Variants in CAP2 observed in about 807,000 individuals in gnomAD.
The protein encoded by CAP2 is adenylyl cyclase-associated protein 2.
CAP2 carries 24 observed loss-of-function variants against 57.7 expected under a neutral mutation model. The ratio of observed to expected loss-of-function variants is 0.42; its 90% CI spans 0.30 to 0.58. CAP2 has a LOEUF of 0.58. CAP2 is among the 20% of genes least tolerant of loss of function. CAP2 has a pLI of 0.22. For synonymous variants in CAP2, 194 were observed against 207.2 expected (o/e 0.94, Z 0.55); for missense variants, 501 against 590.3 (o/e 0.85, Z 1.57).
chr6:17,439,696 G>C (rs527569713), intron 3 of CAP2, among the ~76,000 whole-genome samples: 1 of 151,528 alleles, frequency 6.6e-6, no homozygotes, highest in Non-Finnish European at 1.5e-5. Flanking sequence ...GATCCCTCGC[G>C]TGCAGTGTTC....
At chr6:17,455,815 G>A (rs1217192651) in intron 3 of CAP2, among the ~76,000 whole-genome samples, 8 of 152,130 alleles carry the variant, frequency 5.3e-5, no homozygotes, top group Admixed American at 3.9e-4. Flanking sequence ...GATTACAGGC[G>A]TGAGCCACCG....
rs1298544871 is a variant in CAP2, at chr6:17,471,914, G to T, written c.300+8841G>T. 2.0e-5 allele frequency among the ~76,000 whole-genome samples: 3 copies of T among 152,138 alleles called. No homozygotes were observed. In the East Asian group the frequency reaches 5.8e-4, roughly 29 times the overall value. On this transcript the variant is annotated intron_variant, in intron 4 of 12. Coordinates refer to ENST00000229922, the MANE Select transcript of CAP2 (RefSeq NM_006366.3). ...CATTTAGCCGTGGTATTTCCCAGTG[G>T]TCTGGATTGACAGTTTCAGGAAGGA...
At chr6:17,439,771 G>A (rs897842527) in intron 3 of CAP2, among the ~76,000 whole-genome samples, 6 of 151,288 alleles carry the variant, frequency 4.0e-5, no homozygotes, top group South Asian at 2.1e-4. Flanking sequence ...GGTGGAGCTC[G>A]GGCGGTAATG....
intron 8 of CAP2, among the ~76,000 whole-genome samples, 199 bp downstream of exon 8, chr6:17,539,657 T>C (rs1409961152): frequency 6.6e-6 from 1 of 152,206 alleles, no homozygotes; most frequent in African/African-American, 2.4e-5. Context: ...GGGGTCACTG[T>C]GTAGACCAGA....
intron 4 of CAP2, among the ~76,000 whole-genome samples, chr6:17,478,622 T>G (rs1761215328): frequency 6.6e-6 from 1 of 152,054 alleles, no homozygotes; most frequent in South Asian, 2.1e-4. Context: ...TTTCTCTGTT[T>G]AAAAAAACCA....
At chr6:17,477,707 A>G (rs1761185629) in intron 4 of CAP2, among the ~76,000 whole-genome samples, 1 of 152,156 alleles carries the variant, frequency 6.6e-6, no homozygotes, top group African/African-American at 2.4e-5. Context: ...GTCCTGACCT[A>G]TCGATTGCTT....
At chr6:17,404,192 C>A (rs1758888201) in intron 1 of CAP2, among the ~76,000 whole-genome samples, 1 of 152,170 alleles carries the variant, frequency 6.6e-6, no homozygotes, top group Non-Finnish European at 1.5e-5. Context: ...AAGGTCTTGG[C>A]CAGGCATGGT....
chr6:17,455,768 C>A (rs1048399236), intron 3 of CAP2, among the ~76,000 whole-genome samples: 54 of 152,166 alleles, frequency 3.5e-4, no homozygotes, highest in African/African-American at 8.9e-4. Context: ...ATCTCCTGAC[C>A]TTGTGATCTG....
chr6:17,406,036 C>T (rs534060506), intron 1 of CAP2, among the ~76,000 whole-genome samples: 2 of 152,236 alleles, frequency 1.3e-5, no homozygotes, highest in Admixed American at 1.3e-4. Context: ...CGACCGCGCC[C>T]AGCCTGAGCA....
chr6:17,510,212 ATGT>A (rs1424887376), intron 6 of CAP2, among the ~76,000 whole-genome samples: 1 of 152,078 alleles, frequency 6.6e-6, no homozygotes, highest in Non-Finnish European at 1.5e-5. Context: ...GTGATGAATT[ATGT>A]TCTAAAATTG....
chr6:17,514,007 A>G, intron 7 of CAP2, 53 bp downstream of exon 7: 1 of 1,058,946 alleles, frequency 9.4e-7, no homozygotes, highest in Non-Finnish European at 1.5e-6. Flanking sequence ...GACTATATAT[A>G]CACCCTGTGG....
At chr6:17,482,857 ACAT>A (rs1332313334) in intron 4 of CAP2, among the ~76,000 whole-genome samples, 1 of 152,236 alleles carries the variant, frequency 6.6e-6, no homozygotes, top group Non-Finnish European at 1.5e-5. Context: ...TAGGGTAAGG[ACAT>A]CATCATATGA....
At chr6:17,467,992 T>A (rs1760914460) in intron 4 of CAP2, among the ~76,000 whole-genome samples, 1 of 151,860 alleles carries the variant, frequency 6.6e-6, no homozygotes, top group African/African-American at 2.4e-5. Flanking sequence ...TTGGTAACCA[T>A]CCTTCTACTC....
intron 1 of CAP2, among the ~76,000 whole-genome samples, chr6:17,400,535 A>G (rs1430530437): frequency 6.6e-6 from 1 of 152,092 alleles, no homozygotes; most frequent in African/African-American, 2.4e-5. Context: ...ATCATTTCCT[A>G]CTTTGTTTCT....
intron 6 of CAP2, among the ~76,000 whole-genome samples, chr6:17,512,769 A>G (rs1332983992): frequency 2.0e-5 from 3 of 152,206 alleles, no homozygotes; most frequent in Non-Finnish European, 2.9e-5. Flanking sequence ...CATTTTTTCT[A>G]TTTGTGGAGT....
rs58640564 is a variant in CAP2, at chr6:17,540,193, A to T, written c.826+735A>T. Reference sequence around the variant, plus strand: ...CTTGGAGCTAAGAATCCAAAATTCTAAATTTTTCTCTGGCTCCAACTGGTT... The same window carrying T: ...CTTGGAGCTAAGAATCCAAAATTCTTAATTTTTCTCTGGCTCCAACTGGTT... On this transcript the variant is annotated intron_variant, in intron 8 of 12. Transcript: ENST00000229922. Among the ~76,000 whole-genome samples the T allele has an allele frequency of 2.0e-5, 3 of 152,320 alleles. No individual in the cohort carries two copies. In the East Asian group the frequency reaches 5.8e-4, roughly 29 times the overall value.
chr6:17,458,814 T>C (rs9477438), intron 3 of CAP2, among the ~76,000 whole-genome samples: 19,616 of 149,934 alleles, frequency 0.13, 4,139 homozygotes, highest in African/African-American at 0.45. Context: ...AAAATGAAAT[T>C]ATGTATAGAA....
intron 1 of CAP2, among the ~76,000 whole-genome samples, chr6:17,394,584 G>T (rs1337358105): frequency 6.6e-6 from 1 of 152,144 alleles, no homozygotes; most frequent in Non-Finnish European, 1.5e-5. Context: ...ATGAACACTT[G>T]GTAAAAACAT....
intron 12 of CAP2, among the ~76,000 whole-genome samples, chr6:17,553,072 G>C (rs1763207480): frequency 6.6e-6 from 1 of 152,216 alleles, no homozygotes; most frequent in African/African-American, 2.4e-5. Flanking sequence ...AACAGCTTCA[G>C]AGTAGGAGAG....
Sources: allele counts gnomAD v4.1 joint callset (sites outside exome capture counted in the v4.1 genomes callset), GRCh38; gene constraint gnomAD v4.1.1; transcripts MANE v1.5; gene names NCBI Gene and HGNC (gene_info 2026-07-23, HGNC 2026-07-21).